UMAD1: variants seen among roughly 807,000 people sequenced by gnomAD.
UMAD1 encodes UBAP1-MVB12-associated (UMA) domain containing 1.
UMAD1 carries 8 observed loss-of-function variants against 6.1 expected under a neutral mutation model. The ratio of observed to expected loss-of-function variants is 1.30; its 90% CI spans 0.76 to 2.35. The LOEUF (loss-of-function observed/expected upper bound fraction) is 2.35, where lower values mean the gene tolerates loss of function less well. Among genes scored for constraint, UMAD1 ranks in the 30% most tolerant of loss-of-function variants. The probability of loss-of-function intolerance (pLI) is 0.00; values close to 1 mark genes in which losing one functional copy is unlikely to be tolerated. For synonymous variants in UMAD1, 56 were observed against 31.4 expected (o/e 1.78, Z -2.61); for missense variants, 130 against 78.4 (o/e 1.66, Z -2.49).
At chr7:7,743,899 T>C (rs1350243074) in intron 2 of UMAD1, among the ~76,000 whole-genome samples, 1 of 152,088 alleles carries the variant, frequency 6.6e-6, no homozygotes, top group Non-Finnish European at 1.5e-5. Flanking sequence ...AGAGAAACTA[T>C]TTTTAAAATA....
intron 3 of UMAD1, 95 bp from the exon 4 acceptor site, chr7:7,877,186 A>G (rs73043329): frequency 0.19 from 123,686 of 635,446 alleles, 14,916 homozygotes; most frequent in Non-Finnish European, 0.23. Flanking sequence ...TATAGCCCAC[A>G]TTGCTCAATC....
chr7:7,782,898 A>AT (rs141689899), intron 2 of UMAD1, among the ~76,000 whole-genome samples: 3,588 of 151,940 alleles, frequency 0.024, 147 homozygotes, highest in African/African-American at 0.081. Flanking sequence ...CCCAGCTAAT[A>AT]TTTTTTGTAT....
At chr7:7,725,727 A>C (rs1468358262) in intron 2 of UMAD1, among the ~76,000 whole-genome samples, 1 of 152,192 alleles carries the variant, frequency 6.6e-6, no homozygotes, top group Non-Finnish European at 1.5e-5. Context: ...TGAAGGCACA[A>C]GTTACATGAG....
chr7:7,870,175 G>A (rs1784308303), intron 3 of UMAD1, among the ~76,000 whole-genome samples: 1 of 152,102 alleles, frequency 6.6e-6, no homozygotes, highest in Admixed American at 6.6e-5. Context: ...GCTTATAACA[G>A]CAAACTTTAT....
At chr7:7,763,696 G>C (rs1372763145) in intron 2 of UMAD1, among the ~76,000 whole-genome samples, 2 of 152,200 alleles carry the variant, frequency 1.3e-5, no homozygotes, top group Non-Finnish European at 2.9e-5. Flanking sequence ...GACCAACATG[G>C]AGAAACCCCA....
chr7:7,863,393 A>T (rs1233512924), intron 3 of UMAD1, among the ~76,000 whole-genome samples: 1 of 152,228 alleles, frequency 6.6e-6, no homozygotes, highest in East Asian at 1.9e-4. Flanking sequence ...CAAGGTTCTG[A>T]TGAGAACTTT....
chr7:7,783,929 TGAAATTAAAGATGAAGAA>T (rs1782403651), intron 2 of UMAD1, among the ~76,000 whole-genome samples: 1 of 151,888 alleles, frequency 6.6e-6, no homozygotes, highest in African/African-American at 2.4e-5. Flanking sequence ...CAAAAGGAGA[TGAAATTAAAGATGAAGAA>T]GAAATTAAAG....
At chr7:7,710,798 T>G (rs1003118125) in intron 2 of UMAD1, among the ~76,000 whole-genome samples, 1 of 152,212 alleles carries the variant, frequency 6.6e-6, no homozygotes, top group Non-Finnish European at 1.5e-5. Flanking sequence ...CAAATATCCT[T>G]CAACAGGTGA....
rs1362191363 is a variant in UMAD1, at chr7:7,784,406, G to A, written c.83-17264G>A. 2.7e-5 allele frequency among the ~76,000 whole-genome samples: 4 copies of A among 150,654 alleles called. No homozygotes were observed. The East Asian group carries it at 7.8e-4, about 29-fold the overall frequency. ...GCTGGAGTGCAGTGGTGCTACCTTG[G>A]CTCACTGCAAGCTCCGCCTCCCGGG... On this transcript the variant is annotated intron_variant, in intron 2 of 3. Coordinates refer to ENST00000682710, the MANE Select transcript of UMAD1 (RefSeq NM_001302348.2).
At chr7:7,833,641 T>C (rs1391555646) in intron 3 of UMAD1, among the ~76,000 whole-genome samples, 1 of 152,220 alleles carries the variant, frequency 6.6e-6, no homozygotes, top group African/African-American at 2.4e-5. Flanking sequence ...ATGGCACATT[T>C]ACACAAATAG....
chr7:7,700,743 C>T (rs1007667478), intron 2 of UMAD1, among the ~76,000 whole-genome samples: 1 of 152,106 alleles, frequency 6.6e-6, no homozygotes, highest in African/African-American at 2.4e-5. Context: ...TAAAAATTAG[C>T]CAGGCATGGT....
intron 2 of UMAD1, among the ~76,000 whole-genome samples, chr7:7,751,685 A>T (rs1465542148): frequency 1.3e-5 from 2 of 152,226 alleles, no homozygotes; most frequent in Non-Finnish European, 1.5e-5. Context: ...TGCCCTGTTT[A>T]CCTGTAATCA....
At chr7:7,676,248 A>G in intron 2 of UMAD1, 1 of 398,418 alleles carries the variant, frequency 2.5e-6, no homozygotes, top group Non-Finnish European at 4.4e-6. Flanking sequence ...ATATCTAGGA[A>G]ATGAGCACGA....
At chr7:7,734,951 A>G (rs151268987) in intron 2 of UMAD1, among the ~76,000 whole-genome samples, 3 of 152,284 alleles carry the variant, frequency 2.0e-5, no homozygotes, top group Non-Finnish European at 2.9e-5. Context: ...CTATTTTTAC[A>G]TAGTAAATAT....
chr7:7,838,961 G>A (rs1426276319), intron 3 of UMAD1, among the ~76,000 whole-genome samples: 2 of 152,152 alleles, frequency 1.3e-5, no homozygotes, highest in Middle Eastern at 3.4e-3. Context: ...AGCAAAACAA[G>A]AATAAACGCA....
At position 7,877,677 on chromosome 7, in the gene UMAD1, T is replaced by C. The variant is rs917063869; in HGVS notation, c.*139T>C. Reference sequence around the variant, plus strand: ...GCAAAGAAAATAGCATTATGTTCACTACTCTATTTTTAAGAAAAAGGTACA... The same window carrying C: ...GCAAAGAAAATAGCATTATGTTCACCACTCTATTTTTAAGAAAAAGGTACA... On this transcript the variant is annotated 3_prime_UTR_variant, in exon 4 of 4. Transcript: ENST00000682710. 4 of 597,064 alleles carry C rather than the reference T, an allele frequency of 6.7e-6. No individual in the cohort carries two copies. Among genetic ancestry groups the C allele is most frequent in the Non-Finnish European group, 1.2e-5 (4 of 334,182 alleles). The allele number at this position is 597,064 out of a possible 1,614,324, so 37.0% of individuals were successfully genotyped here. A position where few individuals can be genotyped will look rare whatever the true frequency, so the allele number is the denominator to read the frequency against.
At chr7:7,663,182 TA>T (rs35538283) in intron 1 of UMAD1, among the ~76,000 whole-genome samples, 5 of 144,414 alleles carry the variant, frequency 3.5e-5, no homozygotes, top group African/African-American at 5.1e-5. Flanking sequence ...TTCATTCCAT[TA>T]AAAAAAAAAA....
chr7:7,640,809 G>C lies in UMAD1; in HGVS notation c.-76G>C, dbSNP rs1004363770. 1 of 205,712 alleles carries C rather than the reference G, an allele frequency of 4.9e-6. No homozygotes were observed. The highest frequency in any genetic ancestry group is 6.4e-5 in the South Asian group (1 of 15,738). The allele number at this position is 205,712 out of a possible 1,614,324, so 12.7% of individuals were successfully genotyped here. ...GGTGCTGGTGCGGCGGGGGACTGCG[G>C]GGCCAGCCTCAGGTACCTCGTCTCG... On this transcript the variant is annotated 5_prime_UTR_variant, in exon 1 of 4. Transcript: ENST00000682710.
chr7:7,868,108 G>A (rs979470119), intron 3 of UMAD1, among the ~76,000 whole-genome samples: 1 of 152,138 alleles, frequency 6.6e-6, no homozygotes, highest in Non-Finnish European at 1.5e-5. Flanking sequence ...CATGAGGCGG[G>A]AAGGCCTACT....
Sources: gnomAD v4.1 joint callset for allele counts (sites outside exome capture counted in the v4.1 genomes callset) on GRCh38, gnomAD v4.1.1 for gene constraint, MANE v1.5 for transcripts, NCBI Gene and HGNC (gene_info 2026-07-23, HGNC 2026-07-21) for gene names.